The following TOMM70 variants were observed in gnomAD, a reference collection of about 807,000 sequenced individuals.
The protein encoded by TOMM70 is mitochondrial import receptor subunit TOM70.
In TOMM70, 13 loss-of-function variants were observed where a neutral mutation model predicts 73.6. That is an observed-to-expected ratio of 0.18 (90% CI 0.11 to 0.28). The LOEUF (loss-of-function observed/expected upper bound fraction) is 0.28. Ranked by LOEUF, TOMM70 falls within the 10% of genes least tolerant of loss-of-function variation. The pLI is 1.00. For missense variants in TOMM70, 609 were observed against 747.5 expected (o/e 0.81, Z 2.16); for synonymous variants, 257 against 271.2 (o/e 0.95, Z 0.51).
intron 4 of TOMM70, among the ~76,000 whole-genome samples, chr3:100,382,953 AAAATC>A (rs1706649830): frequency 1.3e-5 from 2 of 152,212 alleles, no homozygotes; most frequent in African/African-American, 2.4e-5. Flanking sequence ...TTGTTATAAA[AAAATC>A]AAAATAATAA....
At chr3:100,382,629 A>G (rs1201172061) in intron 4 of TOMM70, among the ~76,000 whole-genome samples, 1 of 152,244 alleles carries the variant, frequency 6.6e-6, no homozygotes, top group Non-Finnish European at 1.5e-5. Flanking sequence ...ATCATTTACC[A>G]TTTTAGGGGA....
intron 1 of TOMM70, among the ~76,000 whole-genome samples, chr3:100,388,661 A>G (rs1167906232): frequency 6.6e-6 from 1 of 152,214 alleles, no homozygotes; most frequent in Non-Finnish European, 1.5e-5. Context: ...CAACCCATAA[A>G]AAAAGAGGCC....
At chr3:100,388,901 G>A (rs1706729226) in intron 1 of TOMM70, among the ~76,000 whole-genome samples, 1 of 152,112 alleles carries the variant, frequency 6.6e-6, no homozygotes, top group Admixed American at 6.6e-5. Context: ...AGAGAATGGG[G>A]GAAACCTGAC....
rs182755533 is a variant in TOMM70 at position 100,365,607 on chromosome 3, G to C, written c.1784C>G (p.Thr595Arg). ...YSLCDAAHAQTEVAKKYGLKP... is the reference protein window; with the variant it reads ...YSLCDAAHAQREVAKKYGLKP... ...TAATCCGTATTTCTTTGCAACTTCTGTCTGGGCATGGGCGGCATCGCAAAG... is the reference window on the plus strand; with the variant it reads ...TAATCCGTATTTCTTTGCAACTTCTCTCTGGGCATGGGCGGCATCGCAAAG... The change falls in exon 12 of 12, where the codon ACA becomes AGA. Residue 595 changes from threonine to arginine, a missense_variant. Thr to Arg is a moderately conservative substitution (Grantham distance 71). Transcript: ENST00000284320. 133 of 1,614,200 alleles carry C rather than the reference G, an allele frequency of 8.2e-5. No homozygotes were observed. The highest frequency in any genetic ancestry group is 1.8e-4 in the Admixed American group (11 of 60,024).
Position 100,400,753 on chromosome 3 carries a change from C to A in TOMM70, c.197G>T (p.Arg66Leu). ...IYLWSRQQRR[R>L]EARGRGDASG... ...GGCGTCGCCCCGGCCTCTGGCCTCC[C>A]GGCGCCGTTGCTGCCGACTCCACAG... The change falls in exon 1 of 12, where the codon CGG (arginine) becomes CTG (leucine). Residue 66 changes from arginine (R) to leucine (L), a missense_variant. Physicochemically the swap from Arg to Leu is moderately radical, Grantham distance 102 (BLOSUM62 -2). Coordinates refer to ENST00000284320, the MANE Select transcript of TOMM70 (RefSeq NM_014820.5). The A allele has an allele frequency of 6.3e-7, 1 of 1,596,070 alleles. No individual in the cohort carries two copies.
At position 100,364,538 on chromosome 3, in the gene TOMM70, T is replaced by A. The variant is rs1219499041; in HGVS notation, c.*1026A>T. On this transcript the variant is annotated 3_prime_UTR_variant, in exon 12 of 12. Coordinates refer to ENST00000284320, the MANE Select transcript of TOMM70 (RefSeq NM_014820.5). The stretch of plus-strand genomic sequence containing the variant: ...TTTTACATACAAGCAATCTGCACTT[T>A]GATTTTAAAAAAGTTCTAAAATTTT... 6.6e-6 allele frequency: 1 copy of A among 152,184 alleles called. No individual in the cohort carries two copies. The highest frequency in any genetic ancestry group is 2.4e-5 in the African/African-American group (1 of 41,440). 9.4% of individuals were successfully genotyped at this position (152,184 alleles called of 1,614,324 possible).
intron 1 of TOMM70, among the ~76,000 whole-genome samples, chr3:100,389,249 T>C (rs1033376006): frequency 5.3e-5 from 8 of 152,228 alleles, no homozygotes; most frequent in East Asian, 1.9e-4. Flanking sequence ...TAAAGTCTTA[T>C]ACCTAGCTAA....
Position 100,381,759 on chromosome 3 carries a change from C to T in TOMM70, c.740G>A (p.Arg247His), listed in dbSNP as rs376877331. The T allele has an allele frequency of 1.3e-6, 2 of 1,593,530 alleles. No homozygotes were observed. Among genetic ancestry groups the T allele is most frequent in the African/African-American group, 1.3e-5 (1 of 74,338 alleles). Residue 247 changes from arginine to histidine, a missense_variant, in exon 5 of 12, where the codon CGT becomes CAT. By Grantham distance (29) the Arg-to-His change is conservative. This residue lies in a region of TOMM70 where 432 missense variants were observed against 584.1 expected (regional missense o/e 0.74). Coordinates refer to ENST00000284320, the MANE Select transcript of TOMM70 (RefSeq NM_014820.5). ...KEKAKEKYKN[R>H]EPLMPSPQFI... is the part of the protein sequence containing the mutation. ...CTGTGGAGATGGCATCAGAGGTTCACGATTCTGAAATTTAGTCATGTTTAA... is the reference window on the plus strand; with the variant it reads ...CTGTGGAGATGGCATCAGAGGTTCATGATTCTGAAATTTAGTCATGTTTAA...
intron 4 of TOMM70, among the ~76,000 whole-genome samples, chr3:100,382,123 T>C (rs898520156): frequency 6.6e-6 from 1 of 152,220 alleles, no homozygotes; most frequent in African/African-American, 2.4e-5. Context: ...GATTATTTAT[T>C]TGAGGCATAG....
chr3:100,377,673 A>G, intron 6 of TOMM70, 32 bp downstream of exon 6: 1 of 1,583,982 alleles, frequency 6.3e-7, no homozygotes, highest in Admixed American at 1.7e-5. Flanking sequence ...CCTTCTATTT[A>G]ATAATTTCTT....
At chr3:100,389,188 A>C (rs920871396) in intron 1 of TOMM70, among the ~76,000 whole-genome samples, 3 of 152,254 alleles carry the variant, frequency 2.0e-5, no homozygotes, top group Admixed American at 1.3e-4. Context: ...TTGGTACTAA[A>C]AACCAATTAA....
At position 100,372,849 on chromosome 3, in the gene TOMM70, T is replaced by C. The variant is rs1706525625; in HGVS notation, c.1336-127A>G. 21 of 776,262 alleles carry C rather than the reference T, an allele frequency of 2.7e-5. No homozygotes were observed. In the South Asian group the frequency reaches 3.1e-4, roughly 11 times the overall value. The allele number at this position is 776,262 out of a possible 1,614,324, so 48.1% of individuals were successfully genotyped here. ...TGATTTGCTAACATAATCTGCAGCA[T>C]CCAAAAGGGTTCCAAGTAGGTATCT... On this transcript the variant is annotated intron_variant, in intron 8 of 11. Transcript: ENST00000284320.
chr3:100,391,910 C>G (rs1706767608), intron 1 of TOMM70, among the ~76,000 whole-genome samples: 3 of 152,090 alleles, frequency 2.0e-5, no homozygotes, highest in African/African-American at 7.2e-5. Context: ...ACCCACTGAC[C>G]CAGAGCAGCT....
intron 1 of TOMM70, among the ~76,000 whole-genome samples, chr3:100,390,378 C>T (rs138125989): frequency 1.3e-5 from 2 of 152,286 alleles, no homozygotes; most frequent in Admixed American, 1.3e-4. Flanking sequence ...TAGTCAATAA[C>T]AGACTGAATA....
rs147323693 is a variant in TOMM70 at position 100,368,098 on chromosome 3, A to G, written c.1619T>C (p.Ile540Thr). 1 of 1,613,968 alleles carries G rather than the reference A, an allele frequency of 6.2e-7. No homozygotes were observed. The highest frequency in any genetic ancestry group is 2.2e-5 in the East Asian group (1 of 44,852). ...GLELISKAIE[I>T]DNKCDFAYET... is the part of the protein sequence containing the mutation. ...ATAGGCAAAATCACATTTATTGTCA[A>G]TTTCAATAGCCTTGCTGATAAGTTC... The change falls in exon 11 of 12, where the codon ATT (isoleucine) becomes ACT (threonine). Residue 540 changes from isoleucine (I) to threonine (T), a missense_variant. Coordinates refer to ENST00000284320, the MANE Select transcript of TOMM70 (RefSeq NM_014820.5).
In TOMM70 at chr3:100,400,543, G is replaced by T. The variant is rs1439629929; in HGVS notation, c.324+83C>A. 2.0e-6 allele frequency: 3 copies of T among 1,487,110 alleles called. No homozygotes were observed. The African/African-American group carries it at 4.2e-5, about 21-fold the overall frequency. The allele number at this position is 1,487,110 out of a possible 1,614,324, so 92.1% of individuals were successfully genotyped here. A position where few individuals can be genotyped will look rare whatever the true frequency, so the allele number is the denominator to read the frequency against. On this transcript the variant is annotated intron_variant, in intron 1 of 11. Transcript: ENST00000284320. Reference sequence around the variant, plus strand: ...GCCGCTTGGCAGCTTCCGTCTGATGGGAAGCCCCCTCACTGACACAACCCG... The same window carrying T: ...GCCGCTTGGCAGCTTCCGTCTGATGTGAAGCCCCCTCACTGACACAACCCG...
intron 1 of TOMM70, among the ~76,000 whole-genome samples, chr3:100,396,960 G>C (rs1706832800): frequency 6.6e-6 from 1 of 152,188 alleles, no homozygotes; most frequent in African/African-American, 2.4e-5. Flanking sequence ...AATTCTATCA[G>C]ATCATTTTAC....
Position 100,372,631 on chromosome 3 carries a change from G to A in TOMM70, c.1427C>T (p.Ala476Val), listed in dbSNP as rs1433597713. 6.2e-7 allele frequency: 1 copy of A among 1,613,748 alleles called. No individual in the cohort carries two copies. Among genetic ancestry groups the A allele is most frequent in the Admixed American group, 1.7e-5 (1 of 59,972 alleles). The change falls in exon 9 of 12, where the codon GCC (alanine) becomes GTC (valine). Residue 476 changes from alanine (A) to valine (V), a missense_variant. Physicochemically the swap from Ala to Val is moderately conservative, Grantham distance 64 (BLOSUM62 0). This residue lies in a region of TOMM70 where 432 missense variants were observed against 584.1 expected (regional missense o/e 0.74). Coordinates refer to ENST00000284320, the MANE Select transcript of TOMM70 (RefSeq NM_014820.5). The stretch of plus-strand genomic sequence containing the variant: ...CTGGGCGTATAGTGCATAGCCTTCG[G>A]CACACCTTGGAAATTTCTTTATGAC... ...EEVIKKFPRC[A>V]EGYALYAQAL...
chr3:100,364,533 C>T lies in TOMM70; in HGVS notation c.*1031G>A, dbSNP rs1023522074. 1.3e-5 allele frequency: 2 copies of T among 152,080 alleles called. No individual in the cohort carries two copies. The highest frequency in any genetic ancestry group is 6.6e-5 in the Admixed American group (1 of 15,262). The allele number at this position is 152,080 out of a possible 1,614,324, so 9.4% of individuals were successfully genotyped here. A position where few individuals can be genotyped will look rare whatever the true frequency, so the allele number is the denominator to read the frequency against. On this transcript the variant is annotated 3_prime_UTR_variant, in exon 12 of 12. Coordinates refer to ENST00000284320, the MANE Select transcript of TOMM70 (RefSeq NM_014820.5). The stretch of plus-strand genomic sequence containing the variant: ...TTGGGTTTTACATACAAGCAATCTG[C>T]ACTTTGATTTTAAAAAAGTTCTAAA...
Sources: gnomAD v4.1 joint callset for allele counts (sites outside exome capture counted in the v4.1 genomes callset) on GRCh38, gnomAD v4.1.1 for gene constraint, gnomAD v4.1.1 regional missense constraint, MANE v1.5 for transcripts, NCBI Gene and HGNC (gene_info 2026-07-23, HGNC 2026-07-21) for gene names.